RIMKLB: variants seen among roughly 807,000 people sequenced by gnomAD.
RIMKLB encodes beta-citrylglutamate synthase B.
In RIMKLB, 7 loss-of-function variants were observed where a neutral mutation model predicts 32.0. The observed-to-expected ratio is 0.22, with a 90% CI of 0.12 to 0.41. RIMKLB has a LOEUF of 0.41. Among genes scored for constraint, RIMKLB ranks in the 10% least tolerant of loss-of-function variants. The pLI is 1.00. For synonymous variants in RIMKLB, 172 were observed against 185.1 expected (o/e 0.93, Z 0.57); for missense variants, 289 against 498.7 (o/e 0.58, Z 4.00).
At chr12:8,738,267 T>C (rs1257989698) in intron 2 of RIMKLB, among the ~76,000 whole-genome samples, 1 of 152,124 alleles carries the variant, frequency 6.6e-6, no homozygotes, top group Admixed American at 6.6e-5. Context: ...ACCTTGGAAC[T>C]CCTGAGGTTC....
intron 1 of RIMKLB, among the ~76,000 whole-genome samples, chr12:8,712,164 G>T (rs1203952308): frequency 6.6e-6 from 1 of 152,092 alleles, no homozygotes; most frequent in African/African-American, 2.4e-5. Flanking sequence ...AATGAGCCTG[G>T]TCCTTATCTT....
At chr12:8,731,364 C>T (rs1158974665) in intron 2 of RIMKLB, among the ~76,000 whole-genome samples, 1 of 152,144 alleles carries the variant, frequency 6.6e-6, no homozygotes, top group East Asian at 1.9e-4. Flanking sequence ...TCCCAAAGTG[C>T]TGGGATTACA....
chr12:8,762,364 G>C (rs1949601792), intron 5 of RIMKLB, among the ~76,000 whole-genome samples: 1 of 152,062 alleles, frequency 6.6e-6, no homozygotes, highest in Non-Finnish European at 1.5e-5. Context: ...ACTGGGGCTT[G>C]GTTTCCCGGA....
intron 1 of RIMKLB, among the ~76,000 whole-genome samples, chr12:8,705,203 A>G (rs775509836): frequency 2.0e-5 from 3 of 152,198 alleles, no homozygotes; most frequent in South Asian, 4.1e-4. Context: ...TGGGCCAGGC[A>G]TGGTGGCTCA....
intron 5 of RIMKLB, among the ~76,000 whole-genome samples, chr12:8,758,555 A>G (rs1320512084): frequency 6.6e-6 from 1 of 152,114 alleles, no homozygotes; most frequent in Admixed American, 6.6e-5. Flanking sequence ...TGTCCCTTTT[A>G]ATGTCAAGCA....
chr12:8,747,759 A>ATT (rs756632593), intron 2 of RIMKLB, among the ~76,000 whole-genome samples: 26 of 144,928 alleles, frequency 1.8e-4, no homozygotes, highest in Admixed American at 7.7e-4. Flanking sequence ...CTCTGGTACA[A>ATT]TTTTTTTTTT....
At chr12:8,711,540 A>G (rs970426918) in intron 1 of RIMKLB, among the ~76,000 whole-genome samples, 1 of 151,782 alleles carries the variant, frequency 6.6e-6, no homozygotes, top group African/African-American at 2.4e-5. Flanking sequence ...TTTTATTATT[A>G]TAAGTTTTAG....
chr12:8,714,212 A>G, intron 2 of RIMKLB, 171 bp downstream of exon 2: 1 of 553,522 alleles, frequency 1.8e-6, no homozygotes, highest in Non-Finnish European at 3.1e-6. Context: ...AATATTTATT[A>G]ACTTTATTAG....
chr12:8,746,669 G>A (rs1211287709), intron 2 of RIMKLB, among the ~76,000 whole-genome samples: 3 of 151,854 alleles, frequency 2.0e-5, no homozygotes, highest in African/African-American at 7.2e-5. Context: ...AATGGTGTTA[G>A]CCACAGGCAA....
intron 2 of RIMKLB, among the ~76,000 whole-genome samples, chr12:8,734,127 C>G (rs778770243): frequency 6.6e-6 from 1 of 152,062 alleles, no homozygotes; most frequent in Non-Finnish European, 1.5e-5. Flanking sequence ...GGTGAAGTTT[C>G]GTGGAAAAGT....
chr12:8,736,955 G>GCAT (rs1315260425), intron 2 of RIMKLB, among the ~76,000 whole-genome samples: 1 of 152,002 alleles, frequency 6.6e-6, no homozygotes, highest in Non-Finnish European at 1.5e-5. Flanking sequence ...GGGATTACAG[G>GCAT]CATGTGCCAC....
intron 2 of RIMKLB, among the ~76,000 whole-genome samples, chr12:8,716,330 ACTTG>A (rs2136997195): frequency 6.6e-6 from 1 of 152,008 alleles, no homozygotes; most frequent in African/African-American, 2.4e-5. Flanking sequence ...TCACAGTGGA[ACTTG>A]CTTTTTTCCA....
intron 5 of RIMKLB, among the ~76,000 whole-genome samples, chr12:8,765,733 C>T (rs1181289507): frequency 6.6e-6 from 1 of 152,158 alleles, no homozygotes; most frequent in East Asian, 1.9e-4. Context: ...TGTCTATCTC[C>T]TTTTGGGTCC....
chr12:8,696,543 A>T (rs1158429504), upstream of RIMKLB, among the ~76,000 whole-genome samples: 2 of 152,164 alleles, frequency 1.3e-5, no homozygotes, highest in Admixed American at 6.5e-5. Context: ...TTTACTCCTT[A>T]TGACAACTCC....
the RIMKLB span, among the ~76,000 whole-genome samples, chr12:8,670,276 C>T: frequency 6.6e-6 from 1 of 152,064 alleles, no homozygotes; most frequent in Non-Finnish European, 1.5e-5. Context: ...GTCCATAGTC[C>T]AAAGTCTCAT....
chr12:8,776,917 T>A lies in RIMKLB; in HGVS notation c.*3133T>A. 7.1e-6 allele frequency: 7 copies of A among 985,856 alleles called. No homozygotes were observed. Among genetic ancestry groups the A allele is most frequent in the Non-Finnish European group, 8.4e-6 (7 of 829,902 alleles). 61.1% of individuals were successfully genotyped at this position (985,856 alleles called of 1,614,324 possible). ...GCAATGGAGAAGCAAATTTGTTTCA[T>A]TCAGTGAATCCCCAGTTTGGGGCTT... On this transcript the variant is annotated 3_prime_UTR_variant, in exon 6 of 6. Transcript: ENST00000535829.
At chr12:8,733,316 A>AAAAGACTC (rs969265946) in intron 2 of RIMKLB, among the ~76,000 whole-genome samples, 1 of 152,158 alleles carries the variant, frequency 6.6e-6, no homozygotes, top group African/African-American at 2.4e-5. Context: ...AAAAAAAAAA[A>AAAAGACTC]AAAGACTCAT....
intron 1 of RIMKLB, among the ~76,000 whole-genome samples, chr12:8,682,781 A>T (rs2136525784): frequency 7.8e-6 from 1 of 128,326 alleles, no homozygotes; most frequent in Non-Finnish European, 1.6e-5. Context: ...TCAAAAAAAA[A>T]TAAAAATAAA....
chr12:8,672,923 C>T, the RIMKLB span, among the ~76,000 whole-genome samples: 1 of 152,186 alleles, frequency 6.6e-6, no homozygotes, highest in Non-Finnish European at 1.5e-5. Context: ...ATAAATTACC[C>T]AGTCTTAGAG....
Sources: allele counts gnomAD v4.1 joint callset (sites outside exome capture counted in the v4.1 genomes callset), GRCh38; gene constraint gnomAD v4.1.1; transcripts MANE v1.5; gene names NCBI Gene and HGNC (gene_info 2026-07-23, HGNC 2026-07-21).